The following KRTAP21-2 variants were observed in gnomAD, a reference collection of about 807,000 sequenced individuals.
The protein encoded by KRTAP21-2 is keratin-associated protein 21-2.
For synonymous variants in KRTAP21-2, 38 were observed against 38.6 expected, an observed-to-expected ratio of 0.98 and a Z score of 0.06; for missense variants, 103 against 101.2, an observed-to-expected ratio of 1.02 and a Z score of -0.08.
chr21:30,747,138 C>A lies in KRTAP21-2; in HGVS notation c.65G>T (p.Gly22Val), dbSNP rs2123715267. 6.2e-7 allele frequency: 1 copy of A among 1,613,986 alleles called. No individual in the cohort carries two copies. ...GCCATAGCCACAACCATATCCACAGCCGGAACTCCAGCCAGAGCCATATCC... is the reference window on the plus strand; with the variant it reads ...GCCATAGCCACAACCATATCCACAGACGGAACTCCAGCCAGAGCCATATCC... ...GCGYGSGWSS[G>V]CGYGCGYGCG... The change falls in exon 1 of 1, where the codon GGC becomes GTC. Residue 22 changes from glycine to valine, a missense_variant. Coordinates refer to ENST00000333892, the MANE Select transcript of KRTAP21-2 (RefSeq NM_181617.3).
Position 30,747,043 on chromosome 21 carries a change from C to A in KRTAP21-2, c.160G>T (p.Gly54Cys), listed in dbSNP as rs144960846. The A allele has an allele frequency of 1.2e-6, 2 of 1,613,336 alleles. No homozygotes were observed. Among genetic ancestry groups the A allele is most frequent in the Non-Finnish European group, 1.7e-6 (2 of 1,179,590 alleles). Reference protein sequence around the residue: ...GTGCGYGCGYGSGCGYGCGYS... With the variant: ...GTGCGYGCGYCSGCGYGCGYS... ...CCACAGCCATATCCACAGCCAGAGC[C>A]GTATCCACAGCCATAGCCACAGCCA... Residue 54 changes from glycine to cysteine, a missense_variant, in exon 1 of 1, where the codon GGC becomes TGC. Physicochemically the swap from Gly to Cys is radical, Grantham distance 159. Coordinates refer to ENST00000333892, the MANE Select transcript of KRTAP21-2 (RefSeq NM_181617.3).
In KRTAP21-2 at chr21:30,747,174, C is replaced by T; in HGVS notation, c.29G>A (p.Cys10Tyr). The T allele has an allele frequency of 6.2e-7, 1 of 1,613,958 alleles. No individual in the cohort carries two copies. Among genetic ancestry groups the T allele is most frequent in the Non-Finnish European group, 8.5e-7 (1 of 1,179,904 alleles). MCCNYYRNC[C>Y]GGCGYGSGWS... Reference sequence around the variant, plus strand: ...GCCAGAGCCATATCCACAGCCCCCACAGCAGTTTCTGTAGTAGTTGCAACA... The same window carrying T: ...GCCAGAGCCATATCCACAGCCCCCATAGCAGTTTCTGTAGTAGTTGCAACA... Residue 10 changes from cysteine to tyrosine, a missense_variant, in exon 1 of 1, where the codon TGT (cysteine) becomes TAT (tyrosine). Cys to Tyr is a radical substitution (Grantham distance 194). Coordinates refer to ENST00000333892, the MANE Select transcript of KRTAP21-2 (RefSeq NM_181617.3).
rs2123715093 is a variant in KRTAP21-2 at position 30,747,039 on chromosome 21, G to A, written c.164C>T (p.Ser55Phe). 1.2e-6 allele frequency: 2 copies of A among 1,613,392 alleles called. No individual in the cohort carries two copies. The highest frequency in any genetic ancestry group is 1.7e-6 in the Non-Finnish European group (2 of 1,179,608). Residue 55 changes from serine (S) to phenylalanine (F), a missense_variant, in exon 1 of 1, where the codon TCT becomes TTT. Ser to Phe is a radical substitution (Grantham distance 155). Transcript: ENST00000333892. Reference protein sequence around the residue: ...TGCGYGCGYGSGCGYGCGYSS... With the variant: ...TGCGYGCGYGFGCGYGCGYSS... ...GTATCCACAGCCATATCCACAGCCAGAGCCGTATCCACAGCCATAGCCACA... is the reference window on the plus strand; with the variant it reads ...GTATCCACAGCCATATCCACAGCCAAAGCCGTATCCACAGCCATAGCCACA...
Position 30,747,017 on chromosome 21 carries a change from T to G in KRTAP21-2, c.186A>C (p.Gly62=), listed in dbSNP as rs545702314. The G allele has an allele frequency of 9.5e-4, 1,529 of 1,613,366 alleles. 22 individuals carry two copies. The South Asian group carries it at 0.015, about 16-fold the overall frequency. Residue 62 remains glycine, a synonymous_variant, in exon 1 of 1, where the codon GGA becomes GGC. Coordinates refer to ENST00000333892, the MANE Select transcript of KRTAP21-2 (RefSeq NM_181617.3). ...GYGSGCGYGC[G]YSSSCCGYRP... is the part of the protein sequence containing the mutation. ...GGTAGCCACAGCAGCTAGAGCTGTA[T>G]CCACAGCCATATCCACAGCCAGAGC... is the stretch of plus-strand genomic sequence containing the variant.
At position 30,747,254 on chromosome 21, in the gene KRTAP21-2, G is replaced by T; in HGVS notation, c.-52C>A. ...AGGTGTAGGAGGATATTTCTGAAGT[G>T]TGACTGTCCTCTACTCTTCTAAGAC... On this transcript the variant is annotated 5_prime_UTR_variant, in exon 1 of 1. Coordinates refer to ENST00000333892, the MANE Select transcript of KRTAP21-2 (RefSeq NM_181617.3). 1 of 1,576,468 alleles carries T rather than the reference G, an allele frequency of 6.3e-7. No individual in the cohort carries two copies. The highest frequency in any genetic ancestry group is 8.7e-7 in the Non-Finnish European group (1 of 1,154,408).
Position 30,747,024 on chromosome 21 carries a change from C to T in KRTAP21-2, c.179G>A (p.Gly60Asp). 1 of 1,613,574 alleles carries T rather than the reference C, an allele frequency of 6.2e-7. No individual in the cohort carries two copies. ...ACAGCAGCTAGAGCTGTATCCACAG[C>T]CATATCCACAGCCAGAGCCGTATCC... The part of the protein sequence containing the change: ...GCGYGSGCGY[G>D]CGYSSSCCGY... Residue 60 changes from glycine to aspartate, a missense_variant, in exon 1 of 1, where the codon GGC becomes GAC. Gly to Asp is a moderately conservative substitution (Grantham distance 94, BLOSUM62 -1). Transcript: ENST00000333892.
At position 30,747,236 on chromosome 21, in the gene KRTAP21-2, G is replaced by C. The variant is rs912345977; in HGVS notation, c.-34C>G. Reference sequence around the variant, plus strand: ...GAGGTTAGATTTCAGTTGAGGTGTAGGAGGATATTTCTGAAGTGTGACTGT... The same window carrying C: ...GAGGTTAGATTTCAGTTGAGGTGTACGAGGATATTTCTGAAGTGTGACTGT... On this transcript the variant is annotated 5_prime_UTR_variant, in exon 1 of 1. Transcript: ENST00000333892. The C allele has an allele frequency of 7.5e-6, 12 of 1,600,320 alleles. No homozygotes were observed. The highest frequency in any genetic ancestry group is 1.1e-5 in the South Asian group (1 of 89,266).
At position 30,746,952 on chromosome 21, in the gene KRTAP21-2, T is replaced by C. The variant is rs187428499; in HGVS notation, c.251A>G (p.Ter84=). Residue 84 remains the stop codon, a stop_retained_variant, in exon 1 of 1, where the codon TAA becomes TGA. Coordinates refer to ENST00000333892, the MANE Select transcript of KRTAP21-2 (RefSeq NM_181617.3). ...GCCAAGGATGACCTGTAGTGATGAT[T>C]AGTAGCAAGAGGAATAGCATCTTCT... ...CYRRCYSSCY[*] is the part of the protein sequence containing the mutation. The C allele has an allele frequency of 3.7e-6, 6 of 1,612,082 alleles. No individual in the cohort carries two copies. In the East Asian group the frequency reaches 1.3e-4, roughly 36 times the overall value.
chr21:30,747,126 C>T lies in KRTAP21-2; in HGVS notation c.77G>A (p.Gly26Asp). Reference sequence around the variant, plus strand: ...GCCGTATCCACAGCCATAGCCACAACCATATCCACAGCCGGAACTCCAGCC... The same window carrying T: ...GCCGTATCCACAGCCATAGCCACAATCATATCCACAGCCGGAACTCCAGCC... ...GSGWSSGCGY[G>D]CGYGCGYGSG... Residue 26 changes from glycine to aspartate, a missense_variant, in exon 1 of 1, where the codon GGT (glycine) becomes GAT (aspartate). By Grantham distance (94) the Gly-to-Asp change is moderately conservative. Transcript: ENST00000333892. 6.2e-7 allele frequency: 1 copy of T among 1,613,982 alleles called. No homozygotes were observed. The highest frequency in any genetic ancestry group is 8.5e-7 in the Non-Finnish European group (1 of 1,179,994).
In KRTAP21-2 at chr21:30,747,098, A is replaced by G. The variant is rs1004971152; in HGVS notation, c.105T>C (p.Ser35=). The G allele has an allele frequency of 6.2e-7, 1 of 1,614,006 alleles. No individual in the cohort carries two copies. The highest frequency in any genetic ancestry group is 8.5e-7 in the Non-Finnish European group (1 of 1,179,956). ...CATAGCCAGAGCCATATCTACAGCC[A>G]GAGCCGTATCCACAGCCATAGCCAC... ...YGCGYGCGYG[S]GCRYGSGYGT... The change falls in exon 1 of 1, where the codon TCT becomes TCC. Residue 35 remains serine (S), a synonymous_variant. Coordinates refer to ENST00000333892, the MANE Select transcript of KRTAP21-2 (RefSeq NM_181617.3).
Position 30,747,244 on chromosome 21 carries a change from T to G in KRTAP21-2, c.-42A>C. The G allele has an allele frequency of 6.3e-7, 1 of 1,593,018 alleles. No individual in the cohort carries two copies. The highest frequency in any genetic ancestry group is 8.6e-7 in the Non-Finnish European group (1 of 1,166,244). Reference sequence around the variant, plus strand: ...ATTTCAGTTGAGGTGTAGGAGGATATTTCTGAAGTGTGACTGTCCTCTACT... The same window carrying G: ...ATTTCAGTTGAGGTGTAGGAGGATAGTTCTGAAGTGTGACTGTCCTCTACT... On this transcript the variant is annotated 5_prime_UTR_variant, in exon 1 of 1. Coordinates refer to ENST00000333892, the MANE Select transcript of KRTAP21-2 (RefSeq NM_181617.3).
rs986563348 is a variant in KRTAP21-2, at chr21:30,747,231, G to A, written c.-29C>T. 1.9e-6 allele frequency: 3 copies of A among 1,602,952 alleles called. No individual in the cohort carries two copies. Among genetic ancestry groups the A allele is most frequent in the African/African-American group, 1.3e-5 (1 of 74,892 alleles). ...TTCAGGAGGTTAGATTTCAGTTGAG[G>A]TGTAGGAGGATATTTCTGAAGTGTG... is the stretch of plus-strand genomic sequence containing the variant. On this transcript the variant is annotated 5_prime_UTR_variant, in exon 1 of 1. Transcript: ENST00000333892.
Position 30,747,127 on chromosome 21 carries a change from C to A in KRTAP21-2, c.76G>T (p.Gly26Cys). 1 of 1,613,892 alleles carries A rather than the reference C, an allele frequency of 6.2e-7. No homozygotes were observed. The highest frequency in any genetic ancestry group is 8.5e-7 in the Non-Finnish European group (1 of 1,179,968). ...GSGWSSGCGY[G>C]CGYGCGYGSG... The stretch of plus-strand genomic sequence containing the variant: ...CCGTATCCACAGCCATAGCCACAAC[C>A]ATATCCACAGCCGGAACTCCAGCCA... The change falls in exon 1 of 1, where the codon GGT (glycine) becomes TGT (cysteine). Residue 26 changes from glycine (G) to cysteine (C), a missense_variant. Physicochemically the swap from Gly to Cys is radical, Grantham distance 159 (BLOSUM62 -3). Coordinates refer to ENST00000333892, the MANE Select transcript of KRTAP21-2 (RefSeq NM_181617.3).
rs1221177594 is a variant in KRTAP21-2 at position 30,747,183 on chromosome 21, C to G, written c.20G>C (p.Arg7Thr). 1 of 1,613,614 alleles carries G rather than the reference C, an allele frequency of 6.2e-7. No individual in the cohort carries two copies. The highest frequency in any genetic ancestry group is 2.2e-5 in the East Asian group (1 of 44,846). ...ATATCCACAGCCCCCACAGCAGTTT[C>G]TGTAGTAGTTGCAACACATGATTTC... The part of the protein sequence containing the change: MCCNYY[R>T]NCCGGCGYGS... The change falls in exon 1 of 1, where the codon AGA becomes ACA. Residue 7 changes from arginine (R) to threonine (T), a missense_variant. By Grantham distance (71) the Arg-to-Thr change is moderately conservative. Transcript: ENST00000333892.
In KRTAP21-2 at chr21:30,746,972, T is replaced by C. The variant is rs767861807; in HGVS notation, c.231A>G (p.Arg77=). Residue 77 remains arginine, a synonymous_variant, in exon 1 of 1, where the codon AGA becomes AGG. Coordinates refer to ENST00000333892, the MANE Select transcript of KRTAP21-2 (RefSeq NM_181617.3). ...ATGATTAGTAGCAAGAGGAATAGCA[T>C]CTTCTGTAGCAAAGTGGTCGGTAGC... ...CCGYRPLCYR[R]CYSSCY 6.2e-7 allele frequency: 1 copy of C among 1,613,778 alleles called. No individual in the cohort carries two copies. Among genetic ancestry groups the C allele is most frequent in the Admixed American group, 1.7e-5 (1 of 60,012 alleles).
chr21:30,746,927 G>T lies in KRTAP21-2; in HGVS notation c.*24C>A, dbSNP rs1439346898. 2 of 1,598,064 alleles carry T rather than the reference G, an allele frequency of 1.3e-6. No homozygotes were observed. The highest frequency in any genetic ancestry group is 1.3e-5 in the African/African-American group (1 of 74,690). On this transcript the variant is annotated 3_prime_UTR_variant, in exon 1 of 1. Coordinates refer to ENST00000333892, the MANE Select transcript of KRTAP21-2 (RefSeq NM_181617.3). ...TTGATCTTGGAGAGGTCATTGCAAA[G>T]CCAAGGATGACCTGTAGTGATGATT...
the KRTAP21-2 span, chr21:30,747,195 C>CA: frequency 5.0e-6 from 8 of 1,612,612 alleles, no homozygotes; most frequent in Non-Finnish European, 6.8e-6. Context: ...GTAGTAGTTG[C>CA]AACACATGAT....
Position 30,746,811 on chromosome 21 carries a change from G to C in KRTAP21-2, c.*140C>G. ...ACTCAGTCTCCATCCACTGCCAACA[G>C]CTTCTCTTATATGCATTCAGATAGT... On this transcript the variant is annotated 3_prime_UTR_variant, in exon 1 of 1. Coordinates refer to ENST00000333892, the MANE Select transcript of KRTAP21-2 (RefSeq NM_181617.3). 1 of 924,472 alleles carries C rather than the reference G, an allele frequency of 1.1e-6. No homozygotes were observed. Among genetic ancestry groups the C allele is most frequent in the South Asian group, 1.8e-5 (1 of 54,236 alleles). The allele number at this position is 924,472 out of a possible 1,614,324, so 57.3% of individuals were successfully genotyped here.
At position 30,747,177 on chromosome 21, in the gene KRTAP21-2, C is replaced by G. The variant is rs12053674; in HGVS notation, c.26G>C (p.Cys9Ser). 0.073 allele frequency: 117,085 copies of G among 1,613,620 alleles called. 9,584 individuals carry two copies. The highest frequency in any genetic ancestry group is 0.36 in the East Asian group (16,065 of 44,834). Reference protein sequence around the residue: MCCNYYRNCCGGCGYGSGW... With the variant: MCCNYYRNSCGGCGYGSGW... ...AGAGCCATATCCACAGCCCCCACAG[C>G]AGTTTCTGTAGTAGTTGCAACACAT... The change falls in exon 1 of 1, where the codon TGC (cysteine) becomes TCC (serine). Residue 9 changes from cysteine to serine, a missense_variant. Cys to Ser is a moderately radical substitution (Grantham distance 112, BLOSUM62 -1). Coordinates refer to ENST00000333892, the MANE Select transcript of KRTAP21-2 (RefSeq NM_181617.3).
Sources: allele counts gnomAD v4.1 joint callset, GRCh38; gene constraint gnomAD v4.1.1; transcripts MANE v1.5; gene names NCBI Gene and HGNC (gene_info 2026-07-23, HGNC 2026-07-21).